The following NELL2 variants were observed in gnomAD, a reference collection of about 807,000 sequenced individuals.
The protein encoded by NELL2 is protein kinase C-binding protein NELL2.
Under a neutral mutation model 109.6 loss-of-function variants are expected in NELL2, and 41 were observed. That is an observed-to-expected ratio of 0.37 (90% CI 0.29 to 0.49). The LOEUF (loss-of-function observed/expected upper bound fraction) is 0.49. Ranked by LOEUF, NELL2 falls within the 20% of genes least tolerant of loss-of-function variation. The pLI is 0.98. For missense variants in NELL2, 900 were observed against 1,008.3 expected (o/e 0.89, Z 1.45); for synonymous variants, 355 against 344.7 (o/e 1.03, Z -0.33).
chr12:44,656,907 T>C (rs1412306497), intron 13 of NELL2, among the ~76,000 whole-genome samples: 1 of 152,226 alleles, frequency 6.6e-6, no homozygotes, highest in Non-Finnish European at 1.5e-5. Flanking sequence ...GCAATACAAA[T>C]TTTTGGGGAA....
chr12:44,665,149 A>G (rs1381956834), intron 13 of NELL2, among the ~76,000 whole-genome samples: 1 of 152,126 alleles, frequency 6.6e-6, no homozygotes, highest in Non-Finnish European at 1.5e-5. Flanking sequence ...TTTCTATTCA[A>G]AAATCTATCA....
At chr12:44,894,910 T>C (rs1197944982) in intron 1 of NELL2, among the ~76,000 whole-genome samples, 2 of 152,322 alleles carry the variant, frequency 1.3e-5, no homozygotes, top group East Asian at 1.9e-4. Flanking sequence ...ATTTCTTATC[T>C]TGTAGAAAGA....
At chr12:44,918,902 C>T (rs1314995142), upstream of NELL2, among the ~76,000 whole-genome samples, 1 of 152,130 alleles carries the variant, frequency 6.6e-6, no homozygotes, top group Non-Finnish European at 1.5e-5. Flanking sequence ...GAGGCTAACA[C>T]TGCATAGGTA....
chr12:44,783,929 T>G (rs1233054843), intron 3 of NELL2, among the ~76,000 whole-genome samples: 1 of 151,930 alleles, frequency 6.6e-6, no homozygotes, highest in Non-Finnish European at 1.5e-5. Flanking sequence ...GTTAACAAAA[T>G]GTTAACAAAT....
At chr12:44,648,944 T>TGTGTGTGTGTGTA (rs1947203450) in intron 13 of NELL2, among the ~76,000 whole-genome samples, 1 of 53,542 alleles carries the variant, frequency 1.9e-5, no homozygotes, top group Non-Finnish European at 3.4e-5. Flanking sequence ...GTGTGTGTGT[T>TGTGTGTGTGTGTA]TAGTAGAGAC....
rs1481828536 is a variant in NELL2, at chr12:44,514,724, T to A, written c.2400+5281A>T. Reference sequence around the variant, plus strand: ...AGCTATTACTATATGTGAATAAATATAAAATATACCATTTTTCTTTTCTTA... The same window carrying A: ...AGCTATTACTATATGTGAATAAATAAAAAATATACCATTTTTCTTTTCTTA... On this transcript the variant is annotated intron_variant, in intron 19 of 19. Transcript: ENST00000429094. Among the ~76,000 whole-genome samples, 6 of 151,380 alleles carry A rather than the reference T, an allele frequency of 4.0e-5. 1 individual carries two copies. Among genetic ancestry groups the A allele is most frequent in the Admixed American group, 2.0e-4 (3 of 15,194 alleles).
At chr12:44,862,658 T>C (rs188276944) in intron 2 of NELL2, among the ~76,000 whole-genome samples, 1 of 152,282 alleles carries the variant, frequency 6.6e-6, no homozygotes, top group East Asian at 1.9e-4. Flanking sequence ...CTTTTTTTTC[T>C]AAACAGAAAA....
At position 44,545,422 on chromosome 12, in the gene NELL2, T is replaced by C. The variant is rs546347688; in HGVS notation, c.1664-12701A>G. ...CATTCATTTAAGTATTTATTAAATG[T>C]CTATCGTGTAAAAATGTGCTAGACA... On this transcript the variant is annotated intron_variant, in intron 15 of 19. Transcript: ENST00000429094. Among the ~76,000 whole-genome samples the C allele has an allele frequency of 3.3e-5, 5 of 152,210 alleles. No homozygotes were observed. The East Asian group carries it at 9.7e-4, about 29-fold the overall frequency.
chr12:44,586,471 AT>A (rs1247686035), intron 15 of NELL2, among the ~76,000 whole-genome samples: 4 of 152,082 alleles, frequency 2.6e-5, no homozygotes, highest in African/African-American at 9.6e-5. Flanking sequence ...ATGAACTATC[AT>A]TTTCAAGGCC....
intron 13 of NELL2, among the ~76,000 whole-genome samples, chr12:44,626,167 G>A (rs533316455): frequency 6.6e-6 from 1 of 152,132 alleles, no homozygotes; most frequent in Admixed American, 6.6e-5. Context: ...ACAACAAGCA[G>A]AACAATCATT....
At chr12:44,782,324 G>A (rs1941994047) in intron 3 of NELL2, among the ~76,000 whole-genome samples, 1 of 150,702 alleles carries the variant, frequency 6.6e-6, no homozygotes, top group African/African-American at 2.4e-5. Flanking sequence ...GTAACCCATG[G>A]TAAGAAAAAA....
intron 9 of NELL2, among the ~76,000 whole-genome samples, chr12:44,733,021 T>C (rs561703247): frequency 6.6e-6 from 1 of 152,098 alleles, no homozygotes; most frequent in East Asian, 1.9e-4. Flanking sequence ...TCTGCTAGGA[T>C]TGTCATTACC....
At chr12:44,644,391 T>C (rs1479704284) in intron 13 of NELL2, among the ~76,000 whole-genome samples, 2 of 151,508 alleles carry the variant, frequency 1.3e-5, no homozygotes, top group African/African-American at 4.9e-5. Context: ...CAACCACCTA[T>C]TGCTATTTAA....
intron 16 of NELL2, among the ~76,000 whole-genome samples, chr12:44,527,981 C>T (rs1438754057): frequency 6.6e-6 from 1 of 150,930 alleles, no homozygotes; most frequent in East Asian, 2.0e-4. Context: ...GTAGTCCCAG[C>T]TACTCGGGAG....
intron 15 of NELL2, among the ~76,000 whole-genome samples, chr12:44,579,285 T>G (rs576131343): frequency 6.6e-6 from 1 of 152,306 alleles, no homozygotes; most frequent in South Asian, 2.1e-4. Flanking sequence ...AACATACTCT[T>G]GCAGGTATAC....
intron 9 of NELL2, among the ~76,000 whole-genome samples, chr12:44,762,441 C>G (rs1157969875): frequency 1.3e-5 from 2 of 152,192 alleles, no homozygotes; most frequent in Non-Finnish European, 2.9e-5. Flanking sequence ...CTAATCATTT[C>G]CCATAACTTC....
At chr12:44,721,247 G>A (rs1938754678) in intron 9 of NELL2, among the ~76,000 whole-genome samples, 1 of 152,118 alleles carries the variant, frequency 6.6e-6, no homozygotes, top group Non-Finnish European at 1.5e-5. Flanking sequence ...CACTAGTCTT[G>A]TTCTTGATCC....
At chr12:44,669,676 T>C (rs1473056910) in intron 12 of NELL2, among the ~76,000 whole-genome samples, 2 of 152,090 alleles carry the variant, frequency 1.3e-5, no homozygotes, top group Non-Finnish European at 2.9e-5. Flanking sequence ...GACAGGGCTT[T>C]TGAAATAACT....
At chr12:44,743,751 C>T (rs372019744) in intron 9 of NELL2, among the ~76,000 whole-genome samples, 3 of 152,078 alleles carry the variant, frequency 2.0e-5, no homozygotes, top group Non-Finnish European at 4.4e-5. Context: ...AAGAGCTAAC[C>T]AGCCTAAATA....
Sources: allele counts gnomAD v4.1 joint callset (sites outside exome capture counted in the v4.1 genomes callset), GRCh38; gene constraint gnomAD v4.1.1; transcripts MANE v1.5; gene names NCBI Gene and HGNC (gene_info 2026-07-23, HGNC 2026-07-21).